The following CYTH3 variants were observed in gnomAD, a reference collection of about 807,000 sequenced individuals.
CYTH3 encodes the protein cytohesin 3.
Under a neutral mutation model 55.1 loss-of-function variants are expected in CYTH3, and 23 were observed. The ratio of observed to expected loss-of-function variants is 0.42; its 90% CI spans 0.30 to 0.59. The LOEUF (loss-of-function observed/expected upper bound fraction) is 0.59. CYTH3 is among the 20% of genes least tolerant of loss of function. The probability of loss-of-function intolerance (pLI) is 0.20; values close to 1 mark genes in which losing one functional copy is unlikely to be tolerated. For synonymous variants in CYTH3, 249 were observed against 194.9 expected (o/e 1.28, Z -2.31); for missense variants, 413 against 524.8 (o/e 0.79, Z 2.08).
At chr7:6,165,472 C>G (rs890550461) in intron 11 of CYTH3, 45 bp from the exon 12 acceptor site, 3 of 1,608,712 alleles carry the variant, frequency 1.9e-6, no homozygotes, top group Non-Finnish European at 2.5e-6. Context: ...GGGCTTGGGG[C>G]AGGTTCCCTG....
At chr7:6,247,514 A>G (rs1779851240) in intron 1 of CYTH3, among the ~76,000 whole-genome samples, 1 of 152,168 alleles carries the variant, frequency 6.6e-6, no homozygotes, top group African/African-American at 2.4e-5. Context: ...AACAACATTT[A>G]TTCAGATCAC....
At chr7:6,212,696 C>T (rs1253427241) in intron 1 of CYTH3, 2 of 152,050 alleles carry the variant, frequency 1.3e-5, no homozygotes, top group African/African-American at 2.4e-5. Context: ...AGGAGTTAGA[C>T]CTGTAACTGA....
At chr7:6,218,352 G>T (rs1784470890) in intron 1 of CYTH3, among the ~76,000 whole-genome samples, 1 of 152,132 alleles carries the variant, frequency 6.6e-6, no homozygotes, top group South Asian at 2.1e-4. Context: ...TGGAGAGAGG[G>T]GTCATGGACA....
At chr7:6,237,366 G>C (rs556931424) in intron 1 of CYTH3, among the ~76,000 whole-genome samples, 1 of 152,276 alleles carries the variant, frequency 6.6e-6, no homozygotes, top group South Asian at 2.1e-4. Flanking sequence ...GACGAAATTA[G>C]TTACAAAGAA....
At chr7:6,211,440 C>A (rs1784317380) in intron 1 of CYTH3, among the ~76,000 whole-genome samples, 1 of 152,230 alleles carries the variant, frequency 6.6e-6, no homozygotes, top group Non-Finnish European at 1.5e-5. Flanking sequence ...AGACCGGACA[C>A]CTGTGCTTTG....
rs765997383 is a variant in CYTH3, at chr7:6,165,362, G to C, written c.1038C>G (p.Ala346=). The C allele has an allele frequency of 6.2e-7, 1 of 1,614,154 alleles. No individual in the cohort carries two copies. The highest frequency in any genetic ancestry group is 1.7e-5 in the Admixed American group (1 of 60,020). Residue 346 remains alanine, a synonymous_variant, in exon 12 of 13, where the codon GCC becomes GCG. Transcript: ENST00000350796. ...GGTTCCCCTCTACCACGCGGCCGTC[G>C]GCCTCAGTCTTACAGGCCTTGATGA... ...GQVIKACKTE[A]DGRVVEGNHV...
intron 1 of CYTH3, among the ~76,000 whole-genome samples, chr7:6,217,058 G>T (rs546897126): frequency 4.0e-5 from 6 of 151,878 alleles, no homozygotes; most frequent in South Asian, 2.1e-4. Context: ...GATTACAGGC[G>T]TGTGCCACCA....
chr7:6,265,138 G>A (rs929749391), intron 1 of CYTH3, among the ~76,000 whole-genome samples: 8 of 152,112 alleles, frequency 5.3e-5, no homozygotes, highest in African/African-American at 1.2e-4. Flanking sequence ...GGGAGGAAAC[G>A]GGAGAGGAGC....
intron 1 of CYTH3, among the ~76,000 whole-genome samples, chr7:6,218,019 T>C (rs547976510): frequency 6.6e-6 from 1 of 151,604 alleles, no homozygotes; most frequent in African/African-American, 2.4e-5. Context: ...CTCATCTCTA[T>C]GAAAAATACA....
chr7:6,190,606 T>G, intron 1 of CYTH3, 75 bp from the exon 2 acceptor site: 1 of 1,162,504 alleles, frequency 8.6e-7, no homozygotes, highest in Non-Finnish European at 1.2e-6. Flanking sequence ...GGTGGGTACA[T>G]GCTGCCACCC....
intron 1 of CYTH3, among the ~76,000 whole-genome samples, chr7:6,215,288 C>G (rs1297170055): frequency 6.6e-6 from 1 of 152,156 alleles, no homozygotes; most frequent in Non-Finnish European, 1.5e-5. Context: ...CAGATAATTT[C>G]CCTAAAGACA....
At chr7:6,228,397 C>G (rs1211725442) in intron 1 of CYTH3, among the ~76,000 whole-genome samples, 2 of 152,116 alleles carry the variant, frequency 1.3e-5, no homozygotes, top group Non-Finnish European at 2.9e-5. Context: ...TCAAAATACT[C>G]AGCTCCAAAT....
At chr7:6,199,294 T>G (rs1784007093) in intron 1 of CYTH3, among the ~76,000 whole-genome samples, 1 of 152,184 alleles carries the variant, frequency 6.6e-6, no homozygotes, top group Non-Finnish European at 1.5e-5. Context: ...AGTGTGGACC[T>G]TCTGCTTCCA....
chr7:6,260,403 C>A (rs778402697), intron 1 of CYTH3, among the ~76,000 whole-genome samples: 16 of 152,092 alleles, frequency 1.1e-4, no homozygotes, highest in Non-Finnish European at 8.8e-5. Flanking sequence ...TATTTCACTG[C>A]AAAACAAACA....
intron 4 of CYTH3, among the ~76,000 whole-genome samples, chr7:6,182,310 A>G (rs1783524689): frequency 6.6e-6 from 1 of 152,108 alleles, no homozygotes; most frequent in South Asian, 2.1e-4. Flanking sequence ...CCGGCCTCCC[A>G]AAGTGCTCGG....
chr7:6,201,183 G>A (rs952368105), intron 1 of CYTH3, among the ~76,000 whole-genome samples: 1 of 152,180 alleles, frequency 6.6e-6, no homozygotes, highest in Non-Finnish European at 1.5e-5. Flanking sequence ...TCGACAGTCG[G>A]GTGACCTCAG....
intron 1 of CYTH3, among the ~76,000 whole-genome samples, chr7:6,259,853 G>A (rs1386504352): frequency 6.5e-5 from 6 of 91,886 alleles, no homozygotes; most frequent in East Asian, 3.2e-4. Context: ...TTTTTAAGAC[G>A]GATTTTCGCT....
intron 1 of CYTH3, among the ~76,000 whole-genome samples, chr7:6,253,094 T>G (rs1310934374): frequency 6.6e-6 from 1 of 152,136 alleles, no homozygotes; most frequent in African/African-American, 2.4e-5. Flanking sequence ...TATTTACAAT[T>G]AAAAAATTAA....
chr7:6,196,879 C>T (rs958980991), intron 1 of CYTH3, among the ~76,000 whole-genome samples: 1 of 152,134 alleles, frequency 6.6e-6, no homozygotes, highest in Non-Finnish European at 1.5e-5. Flanking sequence ...ACAACATTTA[C>T]GAAAAGAATT....
Sources: gnomAD v4.1 joint callset for allele counts (sites outside exome capture counted in the v4.1 genomes callset) on GRCh38, gnomAD v4.1.1 for gene constraint, MANE v1.5 for transcripts, NCBI Gene and HGNC (gene_info 2026-07-23, HGNC 2026-07-21) for gene names.